MARCHF1: variants seen among roughly 807,000 people sequenced by gnomAD.
MARCHF1 encodes the protein membrane associated ring-CH-type finger 1, also known as E3 ubiquitin-protein ligase MARCHF1.
MARCHF1 carries 40 observed loss-of-function variants against 54.2 expected under a neutral mutation model. That is an observed-to-expected ratio of 0.74 (90% CI 0.57 to 0.96). The LOEUF is 0.96. MARCHF1 is among the 40% of genes least tolerant of loss of function. MARCHF1 has a pLI of 0.00. For synonymous variants in MARCHF1, 236 were observed against 236.3 expected, an observed-to-expected ratio of 1.00 and a Z score of 0.01; for missense variants, 586 against 656.5, an observed-to-expected ratio of 0.89 and a Z score of 1.17.
intron 1 of MARCHF1, among the ~76,000 whole-genome samples, chr4:164,236,160 T>C (rs1056224975): frequency 2.6e-5 from 4 of 152,148 alleles, no homozygotes; most frequent in African/African-American, 9.6e-5. Flanking sequence ...TCAGTCCCAC[T>C]AGTTTATGCT....
At chr4:163,799,569 C>A (rs966825023) in intron 4 of MARCHF1, among the ~76,000 whole-genome samples, 2 of 151,988 alleles carry the variant, frequency 1.3e-5, no homozygotes, top group African/African-American at 4.8e-5. Flanking sequence ...ACACATATAC[C>A]CACTTACAAA....
At chr4:164,339,619 A>G (rs1196968336) in intron 1 of MARCHF1, among the ~76,000 whole-genome samples, 1 of 152,118 alleles carries the variant, frequency 6.6e-6, no homozygotes, top group East Asian at 1.9e-4. Flanking sequence ...TGAATAAAAA[A>G]GAAAGATCTC....
chr4:163,636,917 G>T (rs1308987306), intron 5 of MARCHF1, among the ~76,000 whole-genome samples: 1 of 152,104 alleles, frequency 6.6e-6, no homozygotes, highest in Non-Finnish European at 1.5e-5. Context: ...AATGGAACAG[G>T]ACAGAGCCCT....
intron 1 of MARCHF1, among the ~76,000 whole-genome samples, chr4:164,139,650 C>G (rs1423275377): frequency 6.6e-6 from 1 of 152,166 alleles, no homozygotes; most frequent in Non-Finnish European, 1.5e-5. Context: ...AGGAGCTGCT[C>G]ATCCCTGCTG....
chr4:163,782,697 A>T (rs1747503117), intron 4 of MARCHF1, among the ~76,000 whole-genome samples: 1 of 151,568 alleles, frequency 6.6e-6, no homozygotes, highest in Non-Finnish European at 1.5e-5. Context: ...AGAAAGAAAG[A>T]AAAGGAAGGT....
chr4:164,131,247 A>G (rs1230136823), intron 1 of MARCHF1, among the ~76,000 whole-genome samples: 1 of 152,010 alleles, frequency 6.6e-6, no homozygotes, highest in Non-Finnish European at 1.5e-5. Flanking sequence ...GGGGGTTGCC[A>G]TGGGATACAG....
intron 3 of MARCHF1, among the ~76,000 whole-genome samples, chr4:163,935,832 G>C (rs1039208574): frequency 5.9e-5 from 9 of 151,622 alleles, no homozygotes; most frequent in Admixed American, 5.3e-4. Flanking sequence ...GGATTCACTG[G>C]AGTAGAACTT....
At position 164,149,609 on chromosome 4, in the gene MARCHF1, A is replaced by G. The variant is rs72985875; in HGVS notation, c.-322-37947T>C. On this transcript the variant is annotated intron_variant, in intron 1 of 9. Transcript: ENST00000514618. Reference sequence around the variant, plus strand: ...CTTTGTTTTCCAAAGCTGGTTCCTTAGCAACAGCTTCAAGGACTCCTTCAG... The same window carrying G: ...CTTTGTTTTCCAAAGCTGGTTCCTTGGCAACAGCTTCAAGGACTCCTTCAG... Among the ~76,000 whole-genome samples the G allele has an allele frequency of 5.5e-3, 837 of 152,246 alleles. 10 individuals carry two copies. Among genetic ancestry groups the G allele is most frequent in the African/African-American group, 0.02 (812 of 41,540 alleles).
intron 3 of MARCHF1, among the ~76,000 whole-genome samples, chr4:163,874,452 T>A (rs903044645): frequency 1.3e-5 from 2 of 152,160 alleles, no homozygotes; most frequent in Admixed American, 6.5e-5. Context: ...GAGATTTGTA[T>A]TAGTGGGGAA....
At chr4:164,356,316 G>T (rs78979860) in intron 1 of MARCHF1, among the ~76,000 whole-genome samples, 2 of 124,064 alleles carry the variant, frequency 1.6e-5, no homozygotes, top group African/African-American at 2.8e-5. Flanking sequence ...CACATGAACA[G>T]GTATGTTTAT....
chr4:164,245,396 A>T (rs1732915004), intron 1 of MARCHF1, among the ~76,000 whole-genome samples: 1 of 152,264 alleles, frequency 6.6e-6, no homozygotes, highest in Non-Finnish European at 1.5e-5. Context: ...ACAAAATTCA[A>T]CGATGCTTCA....
intron 4 of MARCHF1, among the ~76,000 whole-genome samples, chr4:163,782,129 T>A (rs1007001959): frequency 6.8e-6 from 1 of 146,114 alleles, no homozygotes; most frequent in South Asian, 2.2e-4. Context: ...AAAAAAAAAA[T>A]ATTAAATGGC....
At chr4:164,214,622 A>G (rs1055040787) in intron 1 of MARCHF1, among the ~76,000 whole-genome samples, 1 of 152,204 alleles carries the variant, frequency 6.6e-6, no homozygotes, top group Non-Finnish European at 1.5e-5. Context: ...GATCTTTAGA[A>G]TCTTTGTCAG....
At chr4:163,533,381 CTT>C (rs1199541453) in intron 9 of MARCHF1, among the ~76,000 whole-genome samples, 1 of 151,888 alleles carries the variant, frequency 6.6e-6, no homozygotes, top group Non-Finnish European at 1.5e-5. Flanking sequence ...AACACAGGGA[CTT>C]TTTAAGGCGG....
At chr4:164,013,753 T>C (rs987860629) in intron 2 of MARCHF1, among the ~76,000 whole-genome samples, 1 of 152,192 alleles carries the variant, frequency 6.6e-6, no homozygotes, top group Non-Finnish European at 1.5e-5. Context: ...AAAAAAATCT[T>C]TCAACCTAGA....
chr4:163,754,722 A>G (rs1383692996), intron 4 of MARCHF1, among the ~76,000 whole-genome samples: 1 of 134,356 alleles, frequency 7.4e-6, no homozygotes, highest in South Asian at 2.3e-4. Context: ...AAACCTGTTA[A>G]AGACTCTTTT....
chr4:164,023,355 G>A (rs985095469), intron 2 of MARCHF1, among the ~76,000 whole-genome samples: 1 of 152,092 alleles, frequency 6.6e-6, no homozygotes, highest in South Asian at 2.1e-4. Flanking sequence ...ACAGAGCACT[G>A]CTTGCAACAC....
intron 2 of MARCHF1, among the ~76,000 whole-genome samples, chr4:164,039,028 A>G (rs893155063): frequency 2.0e-5 from 3 of 152,226 alleles, no homozygotes; most frequent in African/African-American, 7.2e-5. Context: ...AATTTAATGC[A>G]TATTTTCAAG....
At chr4:164,283,503 C>T (rs533185575) in intron 1 of MARCHF1, among the ~76,000 whole-genome samples, 1 of 150,998 alleles carries the variant, frequency 6.6e-6, no homozygotes, top group South Asian at 2.1e-4. Flanking sequence ...ACAAATAGAA[C>T]ACCGGAAAAG....
Sources: gnomAD v4.1 joint callset for allele counts (sites outside exome capture counted in the v4.1 genomes callset) on GRCh38, gnomAD v4.1.1 for gene constraint, MANE v1.5 for transcripts, NCBI Gene and HGNC (gene_info 2026-07-23, HGNC 2026-07-21) for gene names.